GART: variants seen among roughly 807,000 people sequenced by gnomAD.
GART encodes phosphoribosylglycinamide formyltransferase, phosphoribosylglycinamide synthetase, phosphoribosylaminoimidazole synthetase, also known as trifunctional purine biosynthetic protein adenosine-3.
GART carries 43 observed loss-of-function variants against 107.2 expected under a neutral mutation model. That is an observed-to-expected ratio of 0.40 (90% confidence interval 0.31 to 0.52). The LOEUF (loss-of-function observed/expected upper bound fraction) is 0.52, where lower values mean the gene tolerates loss of function less well. GART is among the 20% of genes least tolerant of loss of function. GART has a pLI of 0.52. For missense variants in GART, 1,107 were observed against 1,206.5 expected (o/e 0.92, Z 1.22); for synonymous variants, 434 against 427.0 (o/e 1.02, Z -0.20).
intron 11 of GART, chr21:33,524,437 G>A (rs2085030290): frequency 3.4e-6 from 2 of 590,100 alleles, no homozygotes; most frequent in Non-Finnish European, 4.3e-6. Flanking sequence ...TGTAGTCCCA[G>A]CTATTTGGGA....
In GART at chr21:33,520,348, A is replaced by C; in HGVS notation, c.1702+16T>G. 1 of 1,611,130 alleles carries C rather than the reference A, an allele frequency of 6.2e-7. No individual in the cohort carries two copies. Among genetic ancestry groups the C allele is most frequent in the South Asian group, 1.1e-5 (1 of 90,952 alleles). ...AAGAAGAATGACATGTTATTGATTA[A>C]AATGGCTGATCATACCAAGGAGAGC... On this transcript the variant is annotated intron_variant, in intron 14 of 21. Coordinates refer to ENST00000381815, the MANE Select transcript of GART (RefSeq NM_000819.5).
chr21:33,534,579 C>G lies in GART; in HGVS notation c.416G>C (p.Ser139Thr). The G allele has an allele frequency of 6.2e-7, 1 of 1,614,008 alleles. No homozygotes were observed. The highest frequency in any genetic ancestry group is 1.1e-5 in the South Asian group (1 of 91,078). ...CCTTCACAGACAACCATTTACCTACCTCAAAATGAAGCTGCAGGCTTCTTC... is the reference window on the plus strand; with the variant it reads ...CCTTCACAGACAACCATTTACCTACGTCAAAATGAAGCTGCAGGCTTCTTC... ...KPEEACSFIL[S>T]ADFPALVVKA... Residue 139 changes from serine (S) to threonine (T), a missense_variant and splice_region_variant, in exon 4 of 22, where the codon AGT becomes ACT. By Grantham distance (58) the Ser-to-Thr change is moderately conservative (BLOSUM62 1). Transcript: ENST00000381815.
chr21:33,515,700 C>CACAGGGAG (rs1022352353), intron 16 of GART, among the ~76,000 whole-genome samples: 2 of 130,294 alleles, frequency 1.5e-5, no homozygotes, highest in Non-Finnish European at 3.3e-5. Flanking sequence ...CAAAAAAGAA[C>CACAGGGAG]ACAGGGAGGG....
At chr21:33,518,938 T>C in intron 14 of GART, 1 of 466,156 alleles carries the variant, frequency 2.1e-6, no homozygotes, top group East Asian at 5.5e-5. Flanking sequence ...GCATTTTAGG[T>C]TGTTAAAGTG....
At chr21:33,538,241 C>CAAAAAAAAA (rs397866694) in intron 2 of GART, among the ~76,000 whole-genome samples, 1 of 88,408 alleles carries the variant, frequency 1.1e-5, no homozygotes, top group Non-Finnish European at 2.2e-5. Flanking sequence ...GACTCTGTCT[C>CAAAAAAAAA]AAAAAAAAAA....
chr21:33,521,132 G>A, intron 12 of GART, 117 bp from the exon 13 acceptor site: 1 of 697,560 alleles, frequency 1.4e-6, no homozygotes. Context: ...ATGTACTTCT[G>A]GAAGAAATAG....
chr21:33,510,064 T>C (rs2084757326), intron 17 of GART, 144 bp from the exon 18 acceptor site: 2 of 699,254 alleles, frequency 2.9e-6, no homozygotes, highest in South Asian at 4.0e-5. Context: ...AACAACACAT[T>C]TGTATCACTT....
chr21:33,533,328 ACTCGGGAGG>A (rs1208132832), intron 4 of GART, among the ~76,000 whole-genome samples: 2 of 151,238 alleles, frequency 1.3e-5, no homozygotes, highest in African/African-American at 4.9e-5. Context: ...ATTCCCAGCT[ACTCGGGAGG>A]CTGAAGCAGC....
At chr21:33,527,643 C>T (rs982008543) in intron 10 of GART, among the ~76,000 whole-genome samples, 12 of 151,792 alleles carry the variant, frequency 7.9e-5, no homozygotes, top group Admixed American at 2.0e-4. Context: ...CATCATTTAA[C>T]GAGATGTTTC....
At chr21:33,529,606 G>C (rs1209836355) in intron 7 of GART, 1 of 152,300 alleles carries the variant, frequency 6.6e-6, no homozygotes, top group Non-Finnish European at 1.5e-5. Context: ...CTACAGGCAT[G>C]TGCCATCGCG....
intron 2 of GART, among the ~76,000 whole-genome samples, chr21:33,535,638 C>T (rs1029372373): frequency 4.6e-5 from 7 of 152,110 alleles, no homozygotes; most frequent in Admixed American, 1.3e-4. Context: ...AAACAAAAAA[C>T]GTAAGATATA....
intron 7 of GART, among the ~76,000 whole-genome samples, chr21:33,529,340 A>G (rs946002977): frequency 2.6e-5 from 4 of 152,178 alleles, no homozygotes; most frequent in African/African-American, 9.7e-5. Flanking sequence ...CTTAGAATAC[A>G]CTATTACCAA....
chr21:33,528,096 T>G, intron 10 of GART, 71 bp downstream of exon 10: 198 of 1,415,502 alleles, frequency 1.4e-4, no homozygotes, highest in Non-Finnish European at 1.8e-4. Context: ...AGCCTTAGTG[T>G]GAGAGGGGGG....
intron 6 of GART, 99 bp from the exon 7 acceptor site, chr21:33,530,983 G>T: frequency 1.3e-5 from 15 of 1,113,348 alleles, no homozygotes; most frequent in South Asian, 2.4e-5. Context: ...CTTCTTTGAG[G>T]AAAAGTTTGT....
At chr21:33,508,599 C>T (rs991521070) in intron 18 of GART, among the ~76,000 whole-genome samples, 1 of 145,982 alleles carries the variant, frequency 6.9e-6, no homozygotes, top group Admixed American at 7.2e-5. Context: ...CTCATTGCAA[C>T]CTCTGTCTCC....
intron 16 of GART, among the ~76,000 whole-genome samples, chr21:33,512,425 G>A (rs1451918173): frequency 6.6e-6 from 1 of 151,296 alleles, no homozygotes; most frequent in Non-Finnish European, 1.5e-5. Flanking sequence ...AATCTGGATA[G>A]TTCTTTGGAA....
intron 2 of GART, among the ~76,000 whole-genome samples, chr21:33,535,815 G>A (rs989306503): frequency 6.6e-6 from 1 of 152,100 alleles, no homozygotes; most frequent in Non-Finnish European, 1.5e-5. Flanking sequence ...ATCACCTAAG[G>A]TCAGGAGTTC....
intron 3 of GART, 33 bp downstream of exon 3, chr21:33,535,192 T>C (rs1163893061): frequency 7.4e-7 from 1 of 1,351,178 alleles, no homozygotes; most frequent in Non-Finnish European, 1.0e-6. Context: ...TTGCACTGAA[T>C]ATACTGTAAC....
At chr21:33,514,859 T>C (rs1024038160) in intron 16 of GART, among the ~76,000 whole-genome samples, 2 of 152,096 alleles carry the variant, frequency 1.3e-5, no homozygotes, top group African/African-American at 4.8e-5. Context: ...CTGACCACTC[T>C]CCCAGCTTCC....
Sources: gnomAD v4.1 joint callset for allele counts (sites outside exome capture counted in the v4.1 genomes callset) on GRCh38, gnomAD v4.1.1 for gene constraint, MANE v1.5 for transcripts, NCBI Gene and HGNC (gene_info 2026-07-23, HGNC 2026-07-21) for gene names.